NFKB1: variants seen among roughly 807,000 people sequenced by gnomAD.
The protein encoded by NFKB1 is nuclear factor kappa B subunit 1.
A neutral mutation model predicts 105.1 loss-of-function variants in NFKB1; 9 were observed. The ratio of observed to expected loss-of-function variants is 0.09; its 90% CI spans 0.05 to 0.15. NFKB1 has a LOEUF of 0.15. Among genes scored for constraint, NFKB1 ranks in the 10% least tolerant of loss-of-function variants. NFKB1 has a pLI of 1.00. For synonymous variants in NFKB1, 440 were observed against 442.2 expected (o/e 1.00, Z 0.06); for missense variants, 830 against 1,203.7 (o/e 0.69, Z 4.59).
At chr4:102,510,073 C>G (rs1231526771) in intron 1 of NFKB1, among the ~76,000 whole-genome samples, 2 of 152,244 alleles carry the variant, frequency 1.3e-5, no homozygotes, top group African/African-American at 4.8e-5. Flanking sequence ...TATGCCCTCC[C>G]TGTATGAGAA....
At chr4:102,538,630 C>T (rs887613926) in intron 5 of NFKB1, among the ~76,000 whole-genome samples, 2 of 152,128 alleles carry the variant, frequency 1.3e-5, no homozygotes, top group South Asian at 4.1e-4. Flanking sequence ...CATGTTCAGG[C>T]TGTTTGTTTA....
chr4:102,517,184 G>T (rs761531892), intron 1 of NFKB1, among the ~76,000 whole-genome samples: 1 of 152,136 alleles, frequency 6.6e-6, no homozygotes, highest in Non-Finnish European at 1.5e-5. Flanking sequence ...CTGCCCATTG[G>T]TGTTCTCTCT....
At chr4:102,596,812 A>G (rs1035239818) in intron 14 of NFKB1, among the ~76,000 whole-genome samples, 11 of 151,944 alleles carry the variant, frequency 7.2e-5, no homozygotes, top group South Asian at 2.1e-4. Context: ...ACTTATTAGC[A>G]TATGTGTCAT....
intron 3 of NFKB1, among the ~76,000 whole-genome samples, chr4:102,531,694 A>C (rs1741302172): frequency 6.6e-6 from 1 of 151,624 alleles, no homozygotes; most frequent in Non-Finnish European, 1.5e-5. Context: ...TATCAAATCT[A>C]ATTTTCTAGT....
intron 6 of NFKB1, among the ~76,000 whole-genome samples, chr4:102,572,012 C>A (rs112999792): frequency 6.6e-6 from 1 of 152,292 alleles, no homozygotes; most frequent in African/African-American, 2.4e-5. Context: ...ATAAATCATG[C>A]TGCTATAAAG....
intron 5 of NFKB1, among the ~76,000 whole-genome samples, chr4:102,560,047 AAAAG>A (rs565063942): frequency 6.2e-4 from 95 of 152,204 alleles, no homozygotes; most frequent in African/African-American, 2.2e-3. Flanking sequence ...ACTGGCAAAA[AAAAG>A]TGACATACAT....
chr4:102,533,788 C>A, intron 3 of NFKB1, 57 bp from the exon 4 acceptor site: 1 of 1,455,610 alleles, frequency 6.9e-7, no homozygotes, highest in South Asian at 1.2e-5. Context: ...CGTTTTATAC[C>A]AAATTTGAGA....
intron 15 of NFKB1, among the ~76,000 whole-genome samples, chr4:102,600,468 C>T (rs892412945): frequency 6.6e-6 from 1 of 152,190 alleles, no homozygotes; most frequent in Admixed American, 6.5e-5. Context: ...TTTTTCTGAA[C>T]AATTCCTAGT....
At chr4:102,609,053 C>T (rs182567500) in intron 19 of NFKB1, among the ~76,000 whole-genome samples, 5 of 150,256 alleles carry the variant, frequency 3.3e-5, no homozygotes, top group Non-Finnish European at 5.9e-5. Flanking sequence ...GTTTGGAGGC[C>T]GAGGTAGAAG....
intron 1 of NFKB1, among the ~76,000 whole-genome samples, chr4:102,522,095 G>A (rs1740611634): frequency 6.6e-6 from 1 of 152,120 alleles, no homozygotes; most frequent in African/African-American, 2.4e-5. Flanking sequence ...TGAGGGGAAG[G>A]GCTGGGGGAA....
chr4:102,556,708 C>T (rs1723012922), intron 5 of NFKB1, among the ~76,000 whole-genome samples: 1 of 152,236 alleles, frequency 6.6e-6, no homozygotes, highest in East Asian at 1.9e-4. Flanking sequence ...TAGAGATTTT[C>T]TTATGTACTT....
intron 20 of NFKB1, among the ~76,000 whole-genome samples, chr4:102,611,839 C>A (rs1728442936): frequency 6.6e-6 from 1 of 152,180 alleles, no homozygotes; most frequent in Admixed American, 6.5e-5. Context: ...GCACTATTTC[C>A]CAGTACCAGA....
At chr4:102,589,729 G>A (rs1726014561) in intron 11 of NFKB1, among the ~76,000 whole-genome samples, 1 of 148,064 alleles carries the variant, frequency 6.8e-6, no homozygotes, top group Non-Finnish European at 1.5e-5. Flanking sequence ...AATTGTTAAG[G>A]GTTCAGCACT....
At chr4:102,582,221 G>A (rs1448347837) in intron 9 of NFKB1, among the ~76,000 whole-genome samples, 1 of 152,168 alleles carries the variant, frequency 6.6e-6, no homozygotes, top group Non-Finnish European at 1.5e-5. Flanking sequence ...GACTATTATA[G>A]TGAGACAGTT....
intron 1 of NFKB1, among the ~76,000 whole-genome samples, chr4:102,507,793 T>G (rs1739526261): frequency 6.6e-6 from 1 of 152,248 alleles, no homozygotes; most frequent in Non-Finnish European, 1.5e-5. Flanking sequence ...ATTTTTATTA[T>G]TTATCATGTC....
chr4:102,552,938 C>T (rs184886601), intron 5 of NFKB1, among the ~76,000 whole-genome samples: 3 of 152,072 alleles, frequency 2.0e-5, no homozygotes, highest in African/African-American at 4.8e-5. Context: ...ATTGTGTTCT[C>T]TTTTGCCCTA....
At chr4:102,572,242 C>T (rs1029916012) in intron 6 of NFKB1, among the ~76,000 whole-genome samples, 1 of 150,174 alleles carries the variant, frequency 6.7e-6, no homozygotes, top group Non-Finnish European at 1.5e-5. Flanking sequence ...GGACAGAAAA[C>T]CAAACACTGC....
chr4:102,518,528 GT>G (rs1423644249), intron 1 of NFKB1, among the ~76,000 whole-genome samples: 5 of 151,754 alleles, frequency 3.3e-5, no homozygotes, highest in Non-Finnish European at 7.4e-5. Context: ...ATATTGCATT[GT>G]TTTTGCCTAT....
At chr4:102,547,654 T>G (rs939913835) in intron 5 of NFKB1, among the ~76,000 whole-genome samples, 1 of 152,226 alleles carries the variant, frequency 6.6e-6, no homozygotes, top group African/African-American at 2.4e-5. Context: ...AAATGACAGT[T>G]GCTTCTATTT....
Sources: allele counts gnomAD v4.1 joint callset (sites outside exome capture counted in the v4.1 genomes callset), GRCh38; gene constraint gnomAD v4.1.1; transcripts MANE v1.5; gene names NCBI Gene and HGNC (gene_info 2026-07-23, HGNC 2026-07-21).